PAPPA: variants seen among roughly 807,000 people sequenced by gnomAD.
The protein encoded by PAPPA is pappalysin-1.
PAPPA carries 60 observed loss-of-function variants against 164.0 expected under a neutral mutation model. The ratio of observed to expected loss-of-function variants is 0.37; its 90% CI spans 0.30 to 0.45. The LOEUF (loss-of-function observed/expected upper bound fraction) is 0.45. Among genes scored for constraint, PAPPA ranks in the 20% least tolerant of loss-of-function variants. PAPPA has a pLI of 1.00. For missense variants in PAPPA, 1,782 were observed against 2,087.3 expected (o/e 0.85, Z 2.85); for synonymous variants, 875 against 814.1 (o/e 1.07, Z -1.27).
chr9:116,179,364 T>G (rs952741207), intron 1 of PAPPA, among the ~76,000 whole-genome samples: 2 of 152,168 alleles, frequency 1.3e-5, no homozygotes, highest in Middle Eastern at 3.2e-3. Context: ...AATCTGGTCC[T>G]CCTCCTACAC....
chr9:116,297,062 C>A (rs1280155045), intron 9 of PAPPA, among the ~76,000 whole-genome samples: 1 of 151,998 alleles, frequency 6.6e-6, no homozygotes, highest in East Asian at 1.9e-4. Context: ...ACCATGTTAG[C>A]CAGGCTGGTC....
At chr9:116,393,805 G>C (rs891849344) in intron 21 of PAPPA, among the ~76,000 whole-genome samples, 6 of 152,144 alleles carry the variant, frequency 3.9e-5, no homozygotes, top group Non-Finnish European at 8.8e-5. Flanking sequence ...GGAAAACAGA[G>C]TATCTGGGGA....
At chr9:116,228,461 C>T (rs1338837993) in intron 6 of PAPPA, among the ~76,000 whole-genome samples, 1 of 152,096 alleles carries the variant, frequency 6.6e-6, no homozygotes, top group Non-Finnish European at 1.5e-5. Context: ...AGTGAGAACT[C>T]CTCCGCTATC....
At chr9:116,272,773 G>A (rs1845152805) in intron 9 of PAPPA, among the ~76,000 whole-genome samples, 1 of 152,188 alleles carries the variant, frequency 6.6e-6, no homozygotes, top group African/African-American at 2.4e-5. Context: ...TATTAGCCTA[G>A]TGATGTGGTG....
intron 5 of PAPPA, among the ~76,000 whole-genome samples, chr9:116,224,378 C>T (rs432812): frequency 0.49 from 73,790 of 152,082 alleles, 18,793 homozygotes; most frequent in East Asian, 0.73. Flanking sequence ...GAAGTCTTTG[C>T]GACCTCATCC....
intron 10 of PAPPA, among the ~76,000 whole-genome samples, chr9:116,326,867 T>C (rs548751263): frequency 1.8e-4 from 28 of 152,244 alleles, no homozygotes; most frequent in Non-Finnish European, 3.8e-4. Context: ...TTATTTAACT[T>C]AGCATAATGT....
intron 2 of PAPPA, among the ~76,000 whole-genome samples, chr9:116,205,520 C>T (rs1844224135): frequency 6.6e-6 from 1 of 152,136 alleles, no homozygotes; most frequent in Non-Finnish European, 1.5e-5. Flanking sequence ...TGTTTTCATT[C>T]TCCTCCCATG....
intron 7 of PAPPA, among the ~76,000 whole-genome samples, chr9:116,241,517 T>C (rs1365212348): frequency 2.0e-5 from 3 of 152,230 alleles, no homozygotes; most frequent in South Asian, 2.1e-4. Context: ...TCTTATAACA[T>C]GATCCTTAGT....
At chr9:116,167,332 A>G (rs1043988534) in intron 1 of PAPPA, among the ~76,000 whole-genome samples, 4 of 152,240 alleles carry the variant, frequency 2.6e-5, no homozygotes, top group African/African-American at 9.6e-5. Flanking sequence ...TGTTAATGCT[A>G]TACAAATAGT....
At chr9:116,338,337 T>G (rs894355747) in intron 13 of PAPPA, among the ~76,000 whole-genome samples, 1 of 152,160 alleles carries the variant, frequency 6.6e-6, no homozygotes, top group African/African-American at 2.4e-5. Context: ...GATTGAGAGC[T>G]AAGTTTTAAA....
chr9:116,289,236 T>TATATATGCC (rs1845394531), intron 9 of PAPPA, among the ~76,000 whole-genome samples: 1 of 54,748 alleles, frequency 1.8e-5, no homozygotes. Flanking sequence ...ATATATAGCA[T>TATATATGCC]ATATATATAG....
At chr9:116,232,057 A>C (rs562648352) in intron 6 of PAPPA, among the ~76,000 whole-genome samples, 26 of 152,184 alleles carry the variant, frequency 1.7e-4, no homozygotes, top group Non-Finnish European at 2.9e-4. Context: ...CCTGGCCAAC[A>C]GTGGTTTTTC....
At chr9:116,195,981 C>G (rs1043666405) in intron 2 of PAPPA, among the ~76,000 whole-genome samples, 1 of 152,058 alleles carries the variant, frequency 6.6e-6, no homozygotes, top group East Asian at 1.9e-4. Context: ...TAAGTTTAAG[C>G]ATTTCCAGCA....
intron 5 of PAPPA, among the ~76,000 whole-genome samples, chr9:116,224,806 A>C (rs1844485036): frequency 6.6e-6 from 1 of 152,206 alleles, no homozygotes; most frequent in Non-Finnish European, 1.5e-5. Flanking sequence ...TAGAGCTTTA[A>C]GCTTTAATTT....
intron 1 of PAPPA, among the ~76,000 whole-genome samples, chr9:116,172,356 G>A (rs564852113): frequency 2.0e-5 from 3 of 151,956 alleles, no homozygotes; most frequent in South Asian, 4.2e-4. Context: ...ACTTTCCCTC[G>A]TTGCTTCCAC....
rs1441891782 is a variant in PAPPA, at chr9:116,231,822, C to T, written c.2234-3317C>T. Among the ~76,000 whole-genome samples the T allele has an allele frequency of 1.1e-4, 14 of 122,468 alleles. No homozygotes were observed. In the Admixed American group the frequency reaches 1.5e-3, roughly 13 times the overall value. 80.3% of individuals were successfully genotyped at this position (122,468 alleles called of 152,430 possible). On this transcript the variant is annotated intron_variant, in intron 6 of 21. Coordinates refer to ENST00000328252, the MANE Select transcript of PAPPA (RefSeq NM_002581.5). ...TGTTGCCCAGGCTGGAGTGCAGTGG[C>T]GTAATCTCGGCTCACTGCAACCTCA...
intron 14 of PAPPA, among the ~76,000 whole-genome samples, chr9:116,346,658 C>T (rs1846213764): frequency 6.6e-6 from 1 of 152,186 alleles, no homozygotes; most frequent in Non-Finnish European, 1.5e-5. Context: ...AAGAAGTCAT[C>T]ATGCCCTGTG....
intron 1 of PAPPA, among the ~76,000 whole-genome samples, chr9:116,167,460 G>A (rs1587935989): frequency 6.6e-6 from 1 of 152,152 alleles, no homozygotes; most frequent in African/African-American, 2.4e-5. Context: ...TACAGATAAG[G>A]AGGACCAATT....
intron 7 of PAPPA, among the ~76,000 whole-genome samples, chr9:116,238,615 C>T (rs1234774312): frequency 2.0e-5 from 3 of 152,108 alleles, no homozygotes; most frequent in African/African-American, 4.8e-5. Context: ...GTAGTGAGGT[C>T]GACACTCTTA....
Sources: allele counts gnomAD v4.1 joint callset (sites outside exome capture counted in the v4.1 genomes callset), GRCh38; gene constraint gnomAD v4.1.1; transcripts MANE v1.5; gene names NCBI Gene and HGNC (gene_info 2026-07-23, HGNC 2026-07-21).